RAI14: variants seen among roughly 807,000 people sequenced by gnomAD.
RAI14 encodes ankycorbin.
A neutral mutation model predicts 115.4 loss-of-function variants in RAI14; 45 were observed. The observed-to-expected ratio is 0.39, with a 90% CI of 0.31 to 0.50. The LOEUF (loss-of-function observed/expected upper bound fraction) is 0.50. RAI14 is among the 20% of genes least tolerant of loss of function. The probability of loss-of-function intolerance (pLI) is 0.85; values close to 1 mark genes in which losing one functional copy is unlikely to be tolerated. For missense variants in RAI14, 939 were observed against 1,131.2 expected (o/e 0.83, Z 2.44); for synonymous variants, 371 against 415.4 (o/e 0.89, Z 1.30).
Position 34,683,523 on chromosome 5 carries a change from C to T in RAI14, c.-48-3349C>T, listed in dbSNP as rs1220699299. 2.6e-5 allele frequency among the ~76,000 whole-genome samples: 4 copies of T among 152,058 alleles called. No homozygotes were observed. The South Asian group carries it at 8.3e-4, about 32-fold the overall frequency. On this transcript the variant is annotated intron_variant, in intron 1 of 17. Coordinates refer to ENST00000265109, the MANE Select transcript of RAI14 (RefSeq NM_015577.3). ...CCATGACCTCAAACAAAAATCTTACCCACTGTTGCCTAAGACTTTGTGCTC... is the reference window on the plus strand; with the variant it reads ...CCATGACCTCAAACAAAAATCTTACTCACTGTTGCCTAAGACTTTGTGCTC...
intron 2 of RAI14, among the ~76,000 whole-genome samples, chr5:34,690,698 G>A (rs1272631925): frequency 6.6e-6 from 1 of 152,202 alleles, no homozygotes; most frequent in Non-Finnish European, 1.5e-5. Flanking sequence ...ACATTGTCCG[G>A]TGGTTTTGAT....
intron 15 of RAI14, among the ~76,000 whole-genome samples, chr5:34,824,946 C>CAA (rs1174399473): frequency 2.7e-3 from 177 of 66,328 alleles, no homozygotes; most frequent in African/African-American, 7.0e-3. Flanking sequence ...GACTTCATCT[C>CAA]AAAAAAAAAA....
Position 34,747,492 on chromosome 5 carries a change from A to G in RAI14, c.37-9976A>G, listed in dbSNP as rs368585045. Among the ~76,000 whole-genome samples the G allele has an allele frequency of 2.0e-5, 3 of 152,328 alleles. 1 individual carries two copies. Among genetic ancestry groups the G allele is most frequent in the African/African-American group, 7.2e-5 (3 of 41,570 alleles). On this transcript the variant is annotated intron_variant, in intron 2 of 17. Coordinates refer to ENST00000265109, the MANE Select transcript of RAI14 (RefSeq NM_015577.3). ...GAACAATATTCCTGTCAATCTTTCTATGCCAAGCACTTCACATAGTACATA... is the reference window on the plus strand; with the variant it reads ...GAACAATATTCCTGTCAATCTTTCTGTGCCAAGCACTTCACATAGTACATA...
chr5:34,776,803 T>TCAAAAAAAAAAAACAAAAA (rs1279080501), intron 3 of RAI14, among the ~76,000 whole-genome samples: 4 of 144,874 alleles, frequency 2.8e-5, no homozygotes, highest in African/African-American at 7.5e-5. Flanking sequence ...TGAGACCCTT[T>TCAAAAAAAAAAAACAAAAA]ATTAAAAAAA....
At chr5:34,682,157 C>A (rs1022119621) in intron 1 of RAI14, among the ~76,000 whole-genome samples, 3 of 151,920 alleles carry the variant, frequency 2.0e-5, no homozygotes, top group Admixed American at 6.6e-5. Context: ...ACCTGGCTAA[C>A]CTGGAATTTT....
intron 2 of RAI14, among the ~76,000 whole-genome samples, chr5:34,718,947 A>G (rs576447470): frequency 6.6e-6 from 1 of 152,364 alleles, no homozygotes; most frequent in Admixed American, 6.5e-5. Flanking sequence ...ATGAAAATCA[A>G]TAAGTTAATT....
chr5:34,715,214 G>A (rs1320352675), intron 2 of RAI14, among the ~76,000 whole-genome samples: 1 of 152,162 alleles, frequency 6.6e-6, no homozygotes, highest in African/African-American at 2.4e-5. Flanking sequence ...CCTGGAAGGT[G>A]GTGGAGATTT....
chr5:34,803,228 A>G (rs964989286), intron 4 of RAI14, among the ~76,000 whole-genome samples: 1 of 152,156 alleles, frequency 6.6e-6, no homozygotes, highest in African/African-American at 2.4e-5. Flanking sequence ...GGCATGGGGG[A>G]TGCTCGATTC....
intron 1 of RAI14, among the ~76,000 whole-genome samples, chr5:34,672,132 G>A (rs1374092075): frequency 2.5e-4 from 38 of 152,028 alleles, no homozygotes; most frequent in Admixed American, 2.5e-3. Context: ...CTACTTTTGT[G>A]CAAGTGCATT....
chr5:34,677,729 G>T (rs779503372), intron 1 of RAI14, among the ~76,000 whole-genome samples: 79 of 152,124 alleles, frequency 5.2e-4, no homozygotes, highest in Non-Finnish European at 1.0e-3. Context: ...ATGAGTCACT[G>T]CACCCAGCCT....
intron 7 of RAI14, 98 bp from the exon 8 acceptor site, chr5:34,810,914 C>A: frequency 1.3e-6 from 2 of 1,571,024 alleles, no homozygotes; most frequent in Non-Finnish European, 1.7e-6. Flanking sequence ...AGTCAGCAGT[C>A]CAAGTCAGGA....
intron 4 of RAI14, among the ~76,000 whole-genome samples, chr5:34,799,684 C>CTTTT (rs1754015236): frequency 1.0e-5 from 1 of 97,860 alleles, no homozygotes; most frequent in Non-Finnish European, 2.1e-5. Context: ...AATCTGTTAG[C>CTTTT]ATTTTTTTTT....
At chr5:34,710,012 C>T (rs909409581) in intron 2 of RAI14, among the ~76,000 whole-genome samples, 3 of 152,214 alleles carry the variant, frequency 2.0e-5, no homozygotes, top group Admixed American at 6.5e-5. Flanking sequence ...CTGAGTTGTG[C>T]GTGGAAATAG....
intron 8 of RAI14, among the ~76,000 whole-genome samples, chr5:34,811,460 G>C (rs1755569902): frequency 6.6e-6 from 1 of 151,934 alleles, no homozygotes; most frequent in Non-Finnish European, 1.5e-5. Context: ...TAAAATGCTT[G>C]AGGTAAAACA....
At chr5:34,820,563 G>T (rs986875960) in intron 13 of RAI14, among the ~76,000 whole-genome samples, 8 of 152,190 alleles carry the variant, frequency 5.3e-5, no homozygotes, top group African/African-American at 1.7e-4. Context: ...AGTGAGCCGA[G>T]ATCGTGCCAC....
chr5:34,778,627 T>G (rs905179549), intron 3 of RAI14, among the ~76,000 whole-genome samples: 5 of 152,050 alleles, frequency 3.3e-5, no homozygotes, highest in African/African-American at 7.2e-5. Context: ...CCTATCTAAA[T>G]GAAGATGTAG....
intron 2 of RAI14, among the ~76,000 whole-genome samples, chr5:34,745,006 G>C (rs960007503): frequency 6.6e-6 from 1 of 152,088 alleles, no homozygotes; most frequent in Non-Finnish European, 1.5e-5. Context: ...CTATGCCTTT[G>C]AGTCTCTCTC....
At chr5:34,768,433 T>G (rs3889388) in intron 3 of RAI14, among the ~76,000 whole-genome samples, 9,182 of 152,276 alleles carry the variant, frequency 0.06, 346 homozygotes, top group Middle Eastern at 0.16. Flanking sequence ...AACTTAGAGA[T>G]CTCGTCAATT....
Position 34,730,705 on chromosome 5 carries a change from A to T in RAI14, c.37-26763A>T, listed in dbSNP as rs114011587. 1.9e-3 allele frequency among the ~76,000 whole-genome samples: 283 copies of T among 152,318 alleles called. 1 individual carries two copies. Among genetic ancestry groups the T allele is most frequent in the African/African-American group, 6.6e-3 (274 of 41,588 alleles). ...AAAAATAAAAAATAAAAACAGGGCC[A>T]GGCATGGTGGCCCACGCCTGTTATC... On this transcript the variant is annotated intron_variant, in intron 2 of 17. Coordinates refer to ENST00000265109, the MANE Select transcript of RAI14 (RefSeq NM_015577.3).
Sources: allele counts gnomAD v4.1 joint callset (sites outside exome capture counted in the v4.1 genomes callset), GRCh38; gene constraint gnomAD v4.1.1; transcripts MANE v1.5; gene names NCBI Gene and HGNC (gene_info 2026-07-23, HGNC 2026-07-21).